The following NEGR1 variants were observed in gnomAD, a reference collection of about 807,000 sequenced individuals.
NEGR1 encodes IgLON family member 4.
In NEGR1, 10 loss-of-function variants were observed where a neutral mutation model predicts 40.9. That is an observed-to-expected ratio of 0.24 (90% CI 0.15 to 0.42). NEGR1 has a LOEUF of 0.42. NEGR1 is among the 10% of genes least tolerant of loss of function. The pLI is 1.00. For synonymous variants in NEGR1, 185 were observed against 166.8 expected, an observed-to-expected ratio of 1.11 and a Z score of -0.84; for missense variants, 352 against 438.9, an observed-to-expected ratio of 0.80 and a Z score of 1.77.
intron 4 of NEGR1, among the ~76,000 whole-genome samples, chr1:71,622,616 C>G (rs560178800): frequency 1.3e-5 from 2 of 151,808 alleles, no homozygotes; most frequent in African/African-American, 4.8e-5. Flanking sequence ...ATGTTTATTG[C>G]TATGTTTTAA....
chr1:71,472,810 T>C (rs1216754615), intron 6 of NEGR1, among the ~76,000 whole-genome samples: 4 of 151,938 alleles, frequency 2.6e-5, no homozygotes, highest in Non-Finnish European at 5.9e-5. Flanking sequence ...TAAAAAGAAA[T>C]TATAAAACAT....
intron 6 of NEGR1, among the ~76,000 whole-genome samples, chr1:71,583,619 T>A (rs1649207644): frequency 6.6e-6 from 1 of 152,228 alleles, no homozygotes; most frequent in Non-Finnish European, 1.5e-5. Context: ...TTTGTATGCA[T>A]ATCATAAACT....
intron 1 of NEGR1, among the ~76,000 whole-genome samples, chr1:72,183,049 T>G (rs1652448236): frequency 1.3e-5 from 2 of 152,144 alleles, no homozygotes. Context: ...TATTCAGTAT[T>G]ACTGGCATAA....
chr1:71,466,521 A>G (rs1280952119), intron 6 of NEGR1, among the ~76,000 whole-genome samples: 1 of 152,104 alleles, frequency 6.6e-6, no homozygotes, highest in African/African-American at 2.4e-5. Context: ...TGAAAACAAT[A>G]GAGCTGGGGA....
intron 1 of NEGR1, among the ~76,000 whole-genome samples, chr1:72,033,881 C>T (rs1646879990): frequency 1.3e-5 from 2 of 152,190 alleles, no homozygotes; most frequent in Non-Finnish European, 1.5e-5. Flanking sequence ...GATAAAGCCA[C>T]TCGGACTCAA....
intron 1 of NEGR1, among the ~76,000 whole-genome samples, chr1:72,117,925 G>A (rs912169370): frequency 1.3e-5 from 2 of 151,756 alleles, no homozygotes; most frequent in African/African-American, 2.4e-5. Flanking sequence ...GATTAGAGAG[G>A]ACTATCTAAA....
At chr1:72,274,627 C>A (rs1485894269) in intron 1 of NEGR1, 11 of 815,052 alleles carry the variant, frequency 1.3e-5, no homozygotes, top group African/African-American at 3.4e-5. Flanking sequence ...CCTTGGAGAA[C>A]TGCCCCAAGG....
intron 3 of NEGR1, among the ~76,000 whole-genome samples, chr1:71,699,585 T>A (rs1247121569): frequency 6.6e-6 from 1 of 151,862 alleles, no homozygotes; most frequent in Non-Finnish European, 1.5e-5. Context: ...TCCAAGAATT[T>A]TTAAAATATA....
chr1:71,462,700 A>G (rs1232427277), intron 6 of NEGR1, among the ~76,000 whole-genome samples: 2 of 152,194 alleles, frequency 1.3e-5, no homozygotes, highest in African/African-American at 4.8e-5. Flanking sequence ...CCACTGAAAA[A>G]TAATCTTTTA....
In NEGR1 at chr1:71,617,978, T is replaced by A. The variant is rs570273197; in HGVS notation, c.668-6832A>T. Among the ~76,000 whole-genome samples, 4 of 152,344 alleles carry A rather than the reference T, an allele frequency of 2.6e-5. No individual in the cohort carries two copies. The South Asian group carries it at 8.3e-4, about 32-fold the overall frequency. On this transcript the variant is annotated intron_variant, in intron 4 of 6. Transcript: ENST00000357731. ...GCTTACTTATGTGACATATTCAACC[T>A]GCTCAATGGACTCAGCCTTTCACTC...
intron 3 of NEGR1, among the ~76,000 whole-genome samples, chr1:71,710,428 T>C (rs1654040516): frequency 6.6e-6 from 1 of 152,228 alleles, no homozygotes; most frequent in African/African-American, 2.4e-5. Flanking sequence ...TGTACTCCTA[T>C]GTTTGTGGCA....
At chr1:71,695,964 C>A (rs1653462797) in intron 4 of NEGR1, among the ~76,000 whole-genome samples, 1 of 151,738 alleles carries the variant, frequency 6.6e-6, no homozygotes, top group Admixed American at 6.6e-5. Flanking sequence ...CAGTTGTCAC[C>A]TAGCCCTCAT....
intron 2 of NEGR1, among the ~76,000 whole-genome samples, chr1:71,829,670 C>CA (rs1211867926): frequency 1.3e-5 from 2 of 151,698 alleles, no homozygotes; most frequent in Admixed American, 6.6e-5. Flanking sequence ...ACCCAAAAAA[C>CA]AAAAAAACGT....
chr1:71,519,569 G>A (rs1172398441), intron 6 of NEGR1, among the ~76,000 whole-genome samples: 35 of 105,136 alleles, frequency 3.3e-4, no homozygotes, highest in Non-Finnish European at 4.5e-4. Flanking sequence ...TCACACTCTG[G>A]GGACTGTGGT....
intron 1 of NEGR1, among the ~76,000 whole-genome samples, chr1:71,995,668 T>C (rs1028398699): frequency 3.4e-4 from 51 of 152,156 alleles, no homozygotes; most frequent in African/African-American, 1.2e-3. Flanking sequence ...CCTCAAACAT[T>C]TTCAAGAAAA....
chr1:71,994,177 C>T (rs1646481374), intron 1 of NEGR1, among the ~76,000 whole-genome samples: 1 of 152,104 alleles, frequency 6.6e-6, no homozygotes, highest in Non-Finnish European at 1.5e-5. Flanking sequence ...GGAAATGCAA[C>T]CATGTCTTTT....
At chr1:71,886,456 GGA>G (rs746779198) in intron 2 of NEGR1, among the ~76,000 whole-genome samples, 28 of 145,512 alleles carry the variant, frequency 1.9e-4, no homozygotes, top group Admixed American at 1.2e-3. Context: ...AGTTTATGGG[GGA>G]AAAAAAAAAA....
chr1:71,768,845 C>A (rs1656219335), intron 3 of NEGR1, among the ~76,000 whole-genome samples: 3 of 152,102 alleles, frequency 2.0e-5, no homozygotes, highest in African/African-American at 7.2e-5. Flanking sequence ...CACCATTGCC[C>A]TAGTCCTGCT....
chr1:72,205,364 T>C (rs910277918), intron 1 of NEGR1, among the ~76,000 whole-genome samples: 1 of 151,420 alleles, frequency 6.6e-6, no homozygotes, highest in Non-Finnish European at 1.5e-5. Context: ...GTCAGAGGAG[T>C]AAGGGACTGA....
Sources: allele counts gnomAD v4.1 joint callset (sites outside exome capture counted in the v4.1 genomes callset), GRCh38; gene constraint gnomAD v4.1.1; transcripts MANE v1.5; gene names NCBI Gene and HGNC (gene_info 2026-07-23, HGNC 2026-07-21).